CCDC68: variants seen among roughly 807,000 people sequenced by gnomAD.
CCDC68 encodes the protein coiled-coil domain-containing protein 68.
A neutral mutation model predicts 47.1 loss-of-function variants in CCDC68; 45 were observed. That is an observed-to-expected ratio of 0.96 (90% CI 0.75 to 1.23). The LOEUF (loss-of-function observed/expected upper bound fraction) is 1.23. CCDC68 is among the 50% of genes most tolerant of loss of function. CCDC68 has a pLI of 0.00. For missense variants in CCDC68, 353 were observed against 373.6 expected, an observed-to-expected ratio of 0.94 and a Z score of 0.45; for synonymous variants, 131 against 129.5, an observed-to-expected ratio of 1.01 and a Z score of -0.08.
chr18:54,902,480 G>GTATGCCTACA lies in CCDC68; in HGVS notation c.*1877_*1878insTGTAGGCATA, dbSNP rs1913740263. Reference sequence around the variant, plus strand: ...TCATGATCCTAATTTTCCTACAAGTGTGCCTGAAAATGTATCATGAAGAAA... The same window carrying GTATGCCTACA: ...TCATGATCCTAATTTTCCTACAAGTGTATGCCTACATGCCTGAAAATGTATCATGAAGAAA... On this transcript the variant is annotated 3_prime_UTR_variant, in exon 12 of 12. Coordinates refer to ENST00000591504, the MANE Select transcript of CCDC68 (RefSeq NM_025214.3). 1.3e-5 allele frequency: 2 copies of GTATGCCTACA among 152,100 alleles called. No homozygotes were observed. The highest frequency in any genetic ancestry group is 2.9e-5 in the Non-Finnish European group (2 of 68,022). The allele number at this position is 152,100 out of a possible 1,614,324, so 9.4% of individuals were successfully genotyped here. A position where few individuals can be genotyped will look rare whatever the true frequency, so the allele number is the denominator to read the frequency against.
intron 1 of CCDC68, chr18:54,954,556 A>C (rs2044680020): frequency 6.6e-6 from 1 of 152,206 alleles, no homozygotes; most frequent in Non-Finnish European, 1.5e-5. Flanking sequence ...AATAAATAGC[A>C]GGTGCTTACA....
intron 2 of CCDC68, 81 bp from the exon 3 acceptor site, chr18:54,942,884 GT>G: frequency 1.3e-6 from 1 of 781,580 alleles, no homozygotes; most frequent in Non-Finnish European, 2.2e-6. Context: ...GAAATAAGTT[GT>G]TTTATCACTA....
At position 54,907,879 on chromosome 18, in the gene CCDC68, A is replaced by T. The variant is rs1914108887; in HGVS notation, c.874-17T>A. 7 of 1,423,320 alleles carry T rather than the reference A, an allele frequency of 4.9e-6. No homozygotes were observed. Among genetic ancestry groups the T allele is most frequent in the Non-Finnish European group, 7.0e-6 (7 of 1,006,044 alleles). The allele number at this position is 1,423,320 out of a possible 1,614,324, so 88.2% of individuals were successfully genotyped here. A position where few individuals can be genotyped will look rare whatever the true frequency, so the allele number is the denominator to read the frequency against. ...TTCTTTATTCTAAAATTGAAAAAAA[A>T]TGCAGACGTCAAATAGCTAACACAT... On this transcript the variant is annotated splice_polypyrimidine_tract_variant and intron_variant, in intron 10 of 11. Coordinates refer to ENST00000591504, the MANE Select transcript of CCDC68 (RefSeq NM_025214.3).
chr18:54,906,701 G>C (rs6566947), intron 11 of CCDC68, among the ~76,000 whole-genome samples: 149,623 of 152,282 alleles, frequency 0.98, 73,579 homozygotes, highest in South Asian at 1. Flanking sequence ...GAAGTGACTC[G>C]ACTCTCCCTG....
intron 1 of CCDC68, among the ~76,000 whole-genome samples, chr18:54,953,511 TACACACACACACACACAC>T: frequency 6.8e-6 from 1 of 147,784 alleles, no homozygotes; most frequent in Middle Eastern, 3.4e-3. Context: ...TATATATACA[TACACACACACACACACAC>T]ACACACACAC....
chr18:54,934,230 G>T (rs927402291), intron 7 of CCDC68, among the ~76,000 whole-genome samples: 31 of 152,238 alleles, frequency 2.0e-4, no homozygotes, highest in South Asian at 2.1e-4. Flanking sequence ...TATATTTTGA[G>T]TGCCAGCTAC....
chr18:54,928,903 A>G (rs2044194382), intron 7 of CCDC68, 21 bp from the exon 8 acceptor site: 1 of 1,482,330 alleles, frequency 6.7e-7, no homozygotes, highest in Admixed American at 1.7e-5. Context: ...ATAAGATACA[A>G]ATTTTGCTAA....
rs1220150571 is a variant in CCDC68 at position 54,934,900 on chromosome 18, G to A, written c.520C>T (p.Leu174=). 2.5e-6 allele frequency: 4 copies of A among 1,599,504 alleles called. No individual in the cohort carries two copies. The highest frequency in any genetic ancestry group is 3.5e-5 in the Admixed American group (2 of 57,638). The change falls in exon 7 of 12, where the codon CTG becomes TTG. Residue 174 remains leucine (L), a synonymous_variant. Coordinates refer to ENST00000591504, the MANE Select transcript of CCDC68 (RefSeq NM_025214.3). ...TCAAGTTTTTCAGCAACTTGATTCA[G>A]ATTTTCAACATGTTGTTTCAATTTC... is the stretch of plus-strand genomic sequence containing the variant. ...EQKLKQHVEN[L]NQVAEKLEEK...
intron 4 of CCDC68, among the ~76,000 whole-genome samples, chr18:54,938,790 G>A (rs2044391670): frequency 6.6e-6 from 1 of 152,238 alleles, no homozygotes; most frequent in African/African-American, 2.4e-5. Flanking sequence ...TAGTTATTGT[G>A]TGCTCTTTCT....
In CCDC68 at chr18:54,914,502, C is replaced by T. The variant is rs541507432; in HGVS notation, c.873+3411G>A. Among the ~76,000 whole-genome samples, 39 of 152,054 alleles carry T rather than the reference C, an allele frequency of 2.6e-4. No individual in the cohort carries two copies. The South Asian group carries it at 6.9e-3, about 27-fold the overall frequency. On this transcript the variant is annotated intron_variant, in intron 10 of 11. Coordinates refer to ENST00000591504, the MANE Select transcript of CCDC68 (RefSeq NM_025214.3). ...GTGTGGCGGTGGGCACTTGTAATCC[C>T]ATCTATTTGGGAGTGTGAGGTAGGA...
intron 4 of CCDC68, among the ~76,000 whole-genome samples, chr18:54,938,709 T>C (rs1451831757): frequency 2.0e-5 from 3 of 152,250 alleles, no homozygotes; most frequent in African/African-American, 7.2e-5. Context: ...TTTACAGATG[T>C]AGAAACTGAG....
In CCDC68 at chr18:54,950,799, T is replaced by C. The variant is rs912530975; in HGVS notation, c.-102-5322A>G. On this transcript the variant is annotated intron_variant, in intron 1 of 11. Transcript: ENST00000591504. ...TTATTATCTTCAGTGTATATATATA[T>C]ATATGATGCAATAAGGCACAAAAAA... Among the ~76,000 whole-genome samples, 5 of 87,452 alleles carry C rather than the reference T, an allele frequency of 5.7e-5. 1 individual carries two copies. The highest frequency in any genetic ancestry group is 1.1e-4 in the Non-Finnish European group (5 of 44,122). 57.4% of individuals were successfully genotyped at this position (87,452 alleles called of 152,430 possible). A position where few individuals can be genotyped will look rare whatever the true frequency, so the allele number is the denominator to read the frequency against.
In CCDC68 at chr18:54,935,663, C is replaced by T. The variant is rs115293842; in HGVS notation, c.472-715G>A. 7.2e-3 allele frequency among the ~76,000 whole-genome samples: 1,095 copies of T among 152,220 alleles called. 11 individuals carry two copies. The highest frequency in any genetic ancestry group is 0.025 in the African/African-American group (1,045 of 41,524). On this transcript the variant is annotated intron_variant, in intron 6 of 11. Transcript: ENST00000591504. ...TAGCATAGCACCCTCATCCGCTTCCCGCTTATGTTCTTCATCTGCACCCAG... is the reference window on the plus strand; with the variant it reads ...TAGCATAGCACCCTCATCCGCTTCCTGCTTATGTTCTTCATCTGCACCCAG...
chr18:54,958,710 A>C (rs1017769444), intron 1 of CCDC68, among the ~76,000 whole-genome samples: 4 of 152,174 alleles, frequency 2.6e-5, no homozygotes, highest in African/African-American at 9.7e-5. Context: ...GTCCCGTACT[A>C]ACCTTCAGTA....
chr18:54,955,871 C>T (rs2044704352), intron 1 of CCDC68, among the ~76,000 whole-genome samples: 1 of 152,026 alleles, frequency 6.6e-6, no homozygotes, highest in South Asian at 2.1e-4. Context: ...GCGCATGCCA[C>T]CACACACAGC....
At chr18:54,910,697 A>C (rs1373160790) in intron 10 of CCDC68, among the ~76,000 whole-genome samples, 1 of 152,176 alleles carries the variant, frequency 6.6e-6, no homozygotes, top group East Asian at 1.9e-4. Context: ...TGCCCTCAGC[A>C]CCCCCTTGGC....
chr18:54,915,587 C>T (rs890796309), intron 10 of CCDC68, among the ~76,000 whole-genome samples: 1 of 152,098 alleles, frequency 6.6e-6, no homozygotes, highest in Non-Finnish European at 1.5e-5. Context: ...TTTGCTTATC[C>T]ATATGTCCCA....
At chr18:54,929,242 C>T (rs1338554760) in intron 7 of CCDC68, among the ~76,000 whole-genome samples, 1 of 152,174 alleles carries the variant, frequency 6.6e-6, no homozygotes, top group Non-Finnish European at 1.5e-5. Context: ...ACCCTTACAC[C>T]TGTTTCGCCT....
rs559748104 is a variant in CCDC68 at position 54,937,030 on chromosome 18, G to A, written c.346-72C>T. 24 of 1,457,252 alleles carry A rather than the reference G, an allele frequency of 1.6e-5. No individual in the cohort carries two copies. The African/African-American group carries it at 2.7e-4, about 16-fold the overall frequency. 90.3% of individuals were successfully genotyped at this position (1,457,252 alleles called of 1,614,324 possible). A position where few individuals can be genotyped will look rare whatever the true frequency, so the allele number is the denominator to read the frequency against. On this transcript the variant is annotated intron_variant, in intron 5 of 11. Transcript: ENST00000591504. Reference sequence around the variant, plus strand: ...TGTTAAAGGCAGAACAGTTTGATGGGCAATTAAGAACACCAAAGGTATAAC... The same window carrying A: ...TGTTAAAGGCAGAACAGTTTGATGGACAATTAAGAACACCAAAGGTATAAC...
Sources: allele counts gnomAD v4.1 joint callset (sites outside exome capture counted in the v4.1 genomes callset), GRCh38; gene constraint gnomAD v4.1.1; transcripts MANE v1.5; gene names NCBI Gene and HGNC (gene_info 2026-07-23, HGNC 2026-07-21).